PROX1: variants seen among roughly 807,000 people sequenced by gnomAD.
The protein encoded by PROX1 is prospero homeobox protein 1.
Under a neutral mutation model 58.8 loss-of-function variants are expected in PROX1, and 7 were observed. The ratio of observed to expected loss-of-function variants is 0.12; its 90% CI spans 0.07 to 0.22. The LOEUF is 0.22. PROX1 is among the 10% of genes least tolerant of loss of function. PROX1 has a pLI of 1.00. For missense variants in PROX1, 675 were observed against 927.8 expected (o/e 0.73, Z 3.54); for synonymous variants, 350 against 358.3 (o/e 0.98, Z 0.26).
intron 2 of PROX1, among the ~76,000 whole-genome samples, chr1:214,000,245 G>A (rs1663450843): frequency 6.6e-6 from 1 of 152,098 alleles, no homozygotes; most frequent in Non-Finnish European, 1.5e-5. Flanking sequence ...AATTATGGCT[G>A]TGCTTTTTGT....
chr1:213,998,464 C>T (rs1369249544), intron 2 of PROX1, among the ~76,000 whole-genome samples: 1 of 152,196 alleles, frequency 6.6e-6, no homozygotes, highest in East Asian at 1.9e-4. Flanking sequence ...AACATCTTTG[C>T]AGCTTCCACA....
rs1179303428 is a variant in PROX1 at position 213,997,819 on chromosome 1, G to C, written c.1284G>C (p.Gln428His). Residue 428 changes from glutamine to histidine, a missense_variant, in exon 2 of 5, where the codon CAG becomes CAC. By Grantham distance (24) the Gln-to-His change is conservative. Coordinates refer to ENST00000366958, the MANE Select transcript of PROX1 (RefSeq NM_001270616.2). The surrounding 1 kb of genome is among the most constrained non-coding windows in gnomAD (Gnocchi z 7.1). ...PNPLDTFGNV[Q>H]MASSTDQTEA... ...CCCTGGACACCTTTGGCAATGTGCA[G>C]ATGGCCAGTTCCACTGACCAGACAG... The C allele has an allele frequency of 6.2e-7, 1 of 1,614,238 alleles. No individual in the cohort carries two copies. Among genetic ancestry groups the C allele is most frequent in the South Asian group, 1.1e-5 (1 of 91,082 alleles).
intron 2 of PROX1, among the ~76,000 whole-genome samples, chr1:214,004,300 G>A (rs1233164112): frequency 6.6e-6 from 1 of 152,132 alleles, no homozygotes; most frequent in Non-Finnish European, 1.5e-5. Context: ...CATTCTCTTG[G>A]GAACTGTTTT....
intron 4 of PROX1, among the ~76,000 whole-genome samples, chr1:214,027,216 A>G (rs1319311338): frequency 6.2e-5 from 9 of 145,150 alleles, no homozygotes; most frequent in Admixed American, 6.2e-4. Context: ...TGCTTCCCCC[A>G]ACCCCCACAC....
intron 1 of PROX1, among the ~76,000 whole-genome samples, chr1:213,991,000 C>T (rs531860041): frequency 1.3e-5 from 2 of 152,226 alleles, no homozygotes; most frequent in South Asian, 4.2e-4. Context: ...TATTCTGATG[C>T]AAGATGTGAG....
chr1:214,005,874 G>A (rs747497928), intron 3 of PROX1, among the ~76,000 whole-genome samples: 21 of 151,990 alleles, frequency 1.4e-4, no homozygotes, highest in East Asian at 1.9e-4. Flanking sequence ...GAAAGCTGTC[G>A]GCCTACAGCT....
intron 4 of PROX1, among the ~76,000 whole-genome samples, 177 bp from the exon 5 acceptor site, chr1:214,035,472 C>A (rs558873631): frequency 6.6e-6 from 1 of 152,318 alleles, no homozygotes; most frequent in Non-Finnish European, 1.5e-5. Flanking sequence ...CCCCACATCA[C>A]AATGCTTCTA....
At chr1:214,012,379 T>C (rs1663941076) in intron 4 of PROX1, among the ~76,000 whole-genome samples, 2 of 152,214 alleles carry the variant, frequency 1.3e-5, no homozygotes, top group South Asian at 4.1e-4. Flanking sequence ...CACTTATATA[T>C]ATCTGTGACG....
chr1:214,019,826 G>A (rs1664221196), intron 4 of PROX1, among the ~76,000 whole-genome samples: 2 of 152,210 alleles, frequency 1.3e-5, no homozygotes, highest in Non-Finnish European at 2.9e-5. Context: ...CCAGACGCCT[G>A]TGCCCAAATC....
At chr1:214,004,871 G>A (rs1463110621) in intron 2 of PROX1, among the ~76,000 whole-genome samples, 1 of 152,160 alleles carries the variant, frequency 6.6e-6, no homozygotes, top group African/African-American at 2.4e-5. Context: ...TGTATAGATA[G>A]CCTACCGACC....
chr1:213,994,421 T>C (rs895381771), intron 1 of PROX1, among the ~76,000 whole-genome samples: 1 of 152,008 alleles, frequency 6.6e-6, no homozygotes, highest in Non-Finnish European at 1.5e-5. Flanking sequence ...CAGAAAAAAG[T>C]CTTCCTTGTA....
In PROX1 at chr1:214,033,672, A is replaced by G. The variant is rs908604206; in HGVS notation, c.2029-1977A>G. ...CTAACAGCTCCCAATCCAAGGAGTG[A>G]GAGTGGGCAGTTGCTCCGCTTCACT... On this transcript the variant is annotated intron_variant, in intron 4 of 4. Coordinates refer to ENST00000366958, the MANE Select transcript of PROX1 (RefSeq NM_001270616.2). Among the ~76,000 whole-genome samples, 6 of 152,220 alleles carry G rather than the reference A, an allele frequency of 3.9e-5. No individual in the cohort carries two copies. In the East Asian group the frequency reaches 1.2e-3, roughly 29 times the overall value.
At position 213,996,943 on chromosome 1, in the gene PROX1, C is replaced by T. The variant is rs1004825360; in HGVS notation, c.408C>T (p.Ser136=). 12 of 1,613,874 alleles carry T rather than the reference C, an allele frequency of 7.4e-6. No homozygotes were observed. Among genetic ancestry groups the T allele is most frequent in the African/African-American group, 1.3e-5 (1 of 74,842 alleles). Residue 136 remains serine (S), a synonymous_variant, in exon 2 of 5, where the codon AGC becomes AGT. Transcript: ENST00000366958. Reference sequence around the variant, plus strand: ...TATGCAGCAACTCTTCAAGAGACAGCCCCCCAGAGTGTCTTTCCCCTTTTG... The same window carrying T: ...TATGCAGCAACTCTTCAAGAGACAGTCCCCCAGAGTGTCTTTCCCCTTTTG... The part of the protein sequence containing the change: ...EDICSNSSRD[S]PPECLSPFGR...
At chr1:214,019,233 G>GC (rs922970191) in intron 4 of PROX1, among the ~76,000 whole-genome samples, 67 of 151,320 alleles carry the variant, frequency 4.4e-4, no homozygotes, top group African/African-American at 1.2e-3. Flanking sequence ...TGCTCTTTTT[G>GC]CCCCCCCACC....
chr1:213,991,064 A>G (rs1269492972), intron 1 of PROX1, among the ~76,000 whole-genome samples: 2 of 152,282 alleles, frequency 1.3e-5, no homozygotes, highest in East Asian at 3.9e-4. Context: ...TTCCAAAATG[A>G]AATTTTTTGT....
rs1313843782 is a variant in PROX1 at position 213,997,670 on chromosome 1, G to T, written c.1135G>T (p.Val379Phe). The change falls in exon 2 of 5, where the codon GTT becomes TTT. Residue 379 changes from valine (V) to phenylalanine (F), a missense_variant. This residue lies in a region of PROX1 where 403 missense variants were observed against 477.4 expected (regional missense o/e 0.84). Transcript: ENST00000366958. The surrounding 1 kb of genome is among the most constrained non-coding windows in gnomAD (Gnocchi z 7.1). ...KVFSAKPSRQVPQVFPPLQIP... is the reference protein window; with the variant it reads ...KVFSAKPSRQFPQVFPPLQIP... ...CTTTTCGGCCAAGCCCTCCCGCCAG[G>T]TTCCTCAGGTCTTCCCACCTCTCCA... 1 of 1,614,212 alleles carries T rather than the reference G, an allele frequency of 6.2e-7. No homozygotes were observed. The highest frequency in any genetic ancestry group is 8.5e-7 in the Non-Finnish European group (1 of 1,180,038).
In PROX1 at chr1:213,997,209, T is replaced by C. The variant is rs146788962; in HGVS notation, c.674T>C (p.Val225Ala). 6.2e-7 allele frequency: 1 copy of C among 1,611,696 alleles called. No individual in the cohort carries two copies. The highest frequency in any genetic ancestry group is 8.5e-7 in the Non-Finnish European group (1 of 1,179,458). The change falls in exon 2 of 5, where the codon GTT becomes GCT. Residue 225 changes from valine to alanine, a missense_variant. Physicochemically the swap from Val to Ala is moderately conservative, Grantham distance 64. This residue lies in a region of PROX1 where 403 missense variants were observed against 477.4 expected (regional missense o/e 0.84). Transcript: ENST00000366958. The surrounding 1 kb of genome is among the most constrained non-coding windows in gnomAD (Gnocchi z 7.1). ...QQQQQSFQQLVSARKEQKREE... is the reference protein window; with the variant it reads ...QQQQQSFQQLASARKEQKREE... The stretch of plus-strand genomic sequence containing the variant: ...CAGCAACAGAGTTTCCAGCAGCTGG[T>C]TTCAGCCCGAAAAGAACAGAAGCGA...
At chr1:214,021,678 T>G (rs1664285295) in intron 4 of PROX1, among the ~76,000 whole-genome samples, 1 of 152,244 alleles carries the variant, frequency 6.6e-6, no homozygotes, top group Non-Finnish European at 1.5e-5. Context: ...CCAATGGGAC[T>G]TTTTTGATTA....
intron 4 of PROX1, chr1:214,030,939 T>A (rs1370367361): frequency 1.3e-5 from 2 of 151,550 alleles, no homozygotes; most frequent in African/African-American, 4.9e-5. Flanking sequence ...GTAAAGCAAC[T>A]GGGAAGAGGA....
Sources: gnomAD v4.1 joint callset for allele counts (sites outside exome capture counted in the v4.1 genomes callset) on GRCh38, gnomAD v4.1.1 for gene constraint, gnomAD v4.1.1 regional missense constraint, Gnocchi (gnomAD v3.1) non-coding constraint, MANE v1.5 for transcripts, NCBI Gene and HGNC (gene_info 2026-07-23, HGNC 2026-07-21) for gene names.